The following ARHGEF10L variants were observed in gnomAD, a reference collection of about 807,000 sequenced individuals.
The protein encoded by ARHGEF10L is rho guanine nucleotide exchange factor 10-like protein.
In ARHGEF10L, 69 loss-of-function variants were observed where a neutral mutation model predicts 141.2. The ratio of observed to expected loss-of-function variants is 0.49; its 90% CI spans 0.40 to 0.60. ARHGEF10L has a LOEUF of 0.60. Among genes scored for constraint, ARHGEF10L ranks in the 20% least tolerant of loss-of-function variants. The pLI is 0.00. For synonymous variants in ARHGEF10L, 711 were observed against 718.5 expected (o/e 0.99, Z 0.17); for missense variants, 1,482 against 1,734.3 (o/e 0.85, Z 2.58).
chr1:17,640,704 G>A (rs764421070), intron 21 of ARHGEF10L, among the ~76,000 whole-genome samples: 5 of 152,150 alleles, frequency 3.3e-5, no homozygotes, highest in African/African-American at 4.8e-5. Context: ...AATCAGTGGC[G>A]TGTGCACTTT....
rs2062120639 is a variant in ARHGEF10L, at chr1:17,654,632, G to C, written c.2395-4G>C. 1 of 1,613,936 alleles carries C rather than the reference G, an allele frequency of 6.2e-7. No homozygotes were observed. The highest frequency in any genetic ancestry group is 8.5e-7 in the Non-Finnish European group (1 of 1,179,938). ...CCTCACATGTACCGTCTCTGTCTCTGCAGCTTGGGGCCCTGGTCCACAGTC... is the reference window on the plus strand; with the variant it reads ...CCTCACATGTACCGTCTCTGTCTCTCCAGCTTGGGGCCCTGGTCCACAGTC... On this transcript the variant is annotated splice_region_variant and splice_polypyrimidine_tract_variant and intron_variant, in intron 22 of 28. Coordinates refer to ENST00000361221, the MANE Select transcript of ARHGEF10L (RefSeq NM_018125.4). This position sits in a 1 kb window ranked among gnomAD's most constrained non-coding sequence, Gnocchi z 4.3.
chr1:17,526,911 A>G, the ARHGEF10L span, among the ~76,000 whole-genome samples: 1 of 1,418 alleles, frequency 7.1e-4, no homozygotes, highest in South Asian at 0.025. Flanking sequence ...CTCCAAAAGA[A>G]AAAAAAAAAA....
At chr1:17,546,424 ATGCATCAATT>A (rs1364510570) in intron 1 of ARHGEF10L, among the ~76,000 whole-genome samples, 2 of 152,188 alleles carry the variant, frequency 1.3e-5, no homozygotes, top group African/African-American at 4.8e-5. Context: ...GATATTTTTC[ATGCATCAATT>A]CATTTAATTT....
Position 17,687,641 on chromosome 1 carries a change from C to T in ARHGEF10L, c.3078C>T (p.Val1026=), listed in dbSNP as rs1335540615. 1.2e-6 allele frequency: 2 copies of T among 1,612,890 alleles called. No individual in the cohort carries two copies. Among genetic ancestry groups the T allele is most frequent in the African/African-American group, 1.3e-5 (1 of 75,020 alleles). Residue 1026 remains valine, a synonymous_variant, in exon 27 of 29, where the codon GTC becomes GTT. Coordinates refer to ENST00000361221, the MANE Select transcript of ARHGEF10L (RefSeq NM_018125.4). ...VTHMVKAGSG[V]WMAFSSGTSI... is the part of the protein sequence containing the mutation. ...ACATGGTGAAGGCGGGCAGCGGCGT[C>T]TGGATGGCCTTCTCCTCCGGCACCT...
chr1:17,665,927 G>C (rs936683921), intron 26 of ARHGEF10L, among the ~76,000 whole-genome samples: 1 of 152,190 alleles, frequency 6.6e-6, no homozygotes, highest in Non-Finnish European at 1.5e-5. Context: ...CTGTGAGCCG[G>C]TGGTGTGCCT....
chr1:17,554,986 A>C (rs990845709), intron 1 of ARHGEF10L, among the ~76,000 whole-genome samples: 1 of 152,122 alleles, frequency 6.6e-6, no homozygotes, highest in Non-Finnish European at 1.5e-5. Context: ...AGCAACAATA[A>C]TAAAGGAATC....
chr1:17,681,059 C>T (rs1290788384), intron 26 of ARHGEF10L, among the ~76,000 whole-genome samples: 1 of 152,132 alleles, frequency 6.6e-6, no homozygotes, highest in Non-Finnish European at 1.5e-5. Context: ...AGGCGTGAGC[C>T]ACTACGCCTG....
chr1:17,520,314 C>T, the ARHGEF10L span, among the ~76,000 whole-genome samples: 1 of 152,176 alleles, frequency 6.6e-6, no homozygotes, highest in Non-Finnish European at 1.5e-5. Flanking sequence ...TGTGTGGGCC[C>T]AGCCCGGGGA....
At chr1:17,535,852 A>T (rs2076568399), upstream of ARHGEF10L, among the ~76,000 whole-genome samples, 1 of 152,196 alleles carries the variant, frequency 6.6e-6, no homozygotes, top group Non-Finnish European at 1.5e-5. Context: ...ATGCTGCACC[A>T]GGTTCTGGAG....
chr1:17,553,161 G>C (rs547336354), intron 1 of ARHGEF10L, among the ~76,000 whole-genome samples: 5 of 152,172 alleles, frequency 3.3e-5, no homozygotes, highest in African/African-American at 1.2e-4. Context: ...CACTCCTCCA[G>C]GGCCTCAGAG....
chr1:17,528,272 G>GA, the ARHGEF10L span, among the ~76,000 whole-genome samples: 3 of 151,602 alleles, frequency 2.0e-5, no homozygotes, highest in Non-Finnish European at 4.4e-5. Context: ...CCCCAGGCTG[G>GA]AGTACAGTGG....
At chr1:17,541,835 C>T (rs79671493) in intron 1 of ARHGEF10L, among the ~76,000 whole-genome samples, 12,195 of 152,112 alleles carry the variant, frequency 0.08, 554 homozygotes, top group African/African-American at 0.11. Context: ...GGCATAGTGG[C>T]ACATGCCTGT....
At chr1:17,653,566 C>G (rs1443772193) in intron 22 of ARHGEF10L, among the ~76,000 whole-genome samples, 2 of 152,326 alleles carry the variant, frequency 1.3e-5, no homozygotes, top group Middle Eastern at 3.4e-3. Context: ...CACCAGGAAG[C>G]AGAGAAGACA....
At chr1:17,523,084 A>AAT in the ARHGEF10L span, among the ~76,000 whole-genome samples, 1 of 115,472 alleles carries the variant, frequency 8.7e-6, no homozygotes, top group Non-Finnish European at 1.7e-5. Context: ...TTTGTTTTCC[A>AAT]TTTTTTTTTT....
chr1:17,695,116 C>T (rs770271743), intron 27 of ARHGEF10L, 42 bp from the exon 28 acceptor site: 1 of 1,610,208 alleles, frequency 6.2e-7, no homozygotes, highest in Non-Finnish European at 8.5e-7. Context: ...CCCATGCTGT[C>T]TCCCCAGGAG....
intron 26 of ARHGEF10L, among the ~76,000 whole-genome samples, chr1:17,674,033 TGC>T (rs2063489208): frequency 6.6e-6 from 1 of 152,136 alleles, no homozygotes; most frequent in South Asian, 2.1e-4. Flanking sequence ...GTCTTGTGGG[TGC>T]GTATGTCCGC....
chr1:17,533,155 C>G, the ARHGEF10L span, among the ~76,000 whole-genome samples: 1 of 152,196 alleles, frequency 6.6e-6, no homozygotes, highest in Non-Finnish European at 1.5e-5. Flanking sequence ...AACAGGTCTT[C>G]TTGACGAACA....
the ARHGEF10L span, among the ~76,000 whole-genome samples, chr1:17,516,631 A>AGAATGC: frequency 6.6e-6 from 1 of 152,148 alleles, no homozygotes; most frequent in African/African-American, 2.4e-5. Context: ...TCTGGGAATG[A>AGAATGC]GAATGCAGCC....
At chr1:17,628,785 C>T (rs548348288) in intron 15 of ARHGEF10L, among the ~76,000 whole-genome samples, 1 of 152,074 alleles carries the variant, frequency 6.6e-6, no homozygotes, top group Admixed American at 6.5e-5. Flanking sequence ...GAAGGAGTAC[C>T]CAGAGGGAGA....
Sources: gnomAD v4.1 joint callset for allele counts (sites outside exome capture counted in the v4.1 genomes callset) on GRCh38, gnomAD v4.1.1 for gene constraint, Gnocchi (gnomAD v3.1) non-coding constraint, MANE v1.5 for transcripts, NCBI Gene and HGNC (gene_info 2026-07-23, HGNC 2026-07-21) for gene names.